Variants in ERP44 observed in about 807,000 individuals in gnomAD.
The protein encoded by ERP44 is endoplasmic reticulum protein 44.
Under a neutral mutation model 53.4 loss-of-function variants are expected in ERP44, and 25 were observed. The ratio of observed to expected loss-of-function variants is 0.47; its 90% CI spans 0.34 to 0.65. ERP44 has a LOEUF of 0.65. Among genes scored for constraint, ERP44 ranks in the 30% least tolerant of loss-of-function variants. The pLI, the probability that ERP44 is intolerant of heterozygous loss-of-function variation, is 0.01. For synonymous variants in ERP44, 145 were observed against 161.2 expected (o/e 0.90, Z 0.76); for missense variants, 338 against 493.2 (o/e 0.69, Z 2.98).
chr9:100,082,587 C>T (rs1184790603), intron 1 of ERP44, among the ~76,000 whole-genome samples: 1 of 151,946 alleles, frequency 6.6e-6, no homozygotes, highest in Non-Finnish European at 1.5e-5. Context: ...CCAGGACACT[C>T]CACCAAAATC....
intron 4 of ERP44, among the ~76,000 whole-genome samples, chr9:100,042,262 A>G (rs950661107): frequency 2.6e-5 from 4 of 152,222 alleles, no homozygotes; most frequent in African/African-American, 9.6e-5. Context: ...TTGAATAGAC[A>G]TTTCTCAAAT....
chr9:100,017,013 T>G (rs1830531809), intron 7 of ERP44, among the ~76,000 whole-genome samples: 1 of 152,226 alleles, frequency 6.6e-6, no homozygotes, highest in Admixed American at 6.5e-5. Context: ...TAGAAATTTC[T>G]TCTTTTAGAA....
chr9:100,031,343 T>A (rs955051339), intron 4 of ERP44, among the ~76,000 whole-genome samples: 3 of 152,216 alleles, frequency 2.0e-5, no homozygotes, highest in Admixed American at 2.0e-4. Context: ...AAAATTATCT[T>A]AAGCCATTAA....
At position 100,006,623 on chromosome 9, in the gene ERP44, T is replaced by C; in HGVS notation, c.899A>G (p.Asp300Gly). 1 of 1,601,606 alleles carries C rather than the reference T, an allele frequency of 6.2e-7. No individual in the cohort carries two copies. The highest frequency in any genetic ancestry group is 8.5e-7 in the Non-Finnish European group (1 of 1,176,084). Residue 300 changes from aspartate (D) to glycine (G), a missense_variant, in exon 10 of 12, where the codon GAT becomes GGT. Transcript: ENST00000262455. ...EKGTINFLHADCDKFRHPLLH... is the reference protein window; with the variant it reads ...EKGTINFLHAGCDKFRHPLLH... ...AAGAGGATGTCTAAATTTGTCACAA[T>C]CGGCATGTAAAAAGTTTATTGTACC...
intron 4 of ERP44, among the ~76,000 whole-genome samples, chr9:100,044,975 ATTACT>A (rs1825951515): frequency 2.6e-5 from 4 of 152,180 alleles, no homozygotes; most frequent in Admixed American, 2.0e-4. Context: ...TTCAATTTAA[ATTACT>A]TTATTTTGAC....
At chr9:99,985,826 C>CTT (rs543260224) in intron 10 of ERP44, among the ~76,000 whole-genome samples, 2 of 152,174 alleles carry the variant, frequency 1.3e-5, no homozygotes, top group Non-Finnish European at 2.9e-5. Context: ...ATTAAACTAG[C>CTT]TTTTATTTAC....
At chr9:100,043,709 C>T (rs530515360) in intron 4 of ERP44, among the ~76,000 whole-genome samples, 16 of 151,358 alleles carry the variant, frequency 1.1e-4, no homozygotes, top group African/African-American at 2.9e-4. Flanking sequence ...GAGCTGAGAA[C>T]GCGCCACTGT....
At position 99,981,720 on chromosome 9, in the gene ERP44, G is replaced by C. The variant is rs200765208; in HGVS notation, c.*892C>G. On this transcript the variant is annotated 3_prime_UTR_variant, in exon 12 of 12. Coordinates refer to ENST00000262455, the MANE Select transcript of ERP44 (RefSeq NM_015051.3). ...AATATGTTCCTTATTCTGTGTTTTT[G>C]ATTTATACAACTATAACAAGACTCT... The C allele has an allele frequency of 1.3e-5, 2 of 152,282 alleles. No individual in the cohort carries two copies. The highest frequency in any genetic ancestry group is 3.9e-4 in the East Asian group (2 of 5,180). 9.4% of individuals were successfully genotyped at this position (152,282 alleles called of 1,614,324 possible).
intron 1 of ERP44, among the ~76,000 whole-genome samples, chr9:100,066,341 A>G (rs1826209528): frequency 6.6e-6 from 1 of 152,090 alleles, no homozygotes; most frequent in Non-Finnish European, 1.5e-5. Flanking sequence ...TTTAAAGTAT[A>G]CTGTCTTCTG....
At chr9:100,077,742 G>C (rs139987556) in intron 1 of ERP44, among the ~76,000 whole-genome samples, 1 of 152,244 alleles carries the variant, frequency 6.6e-6, no homozygotes, top group East Asian at 1.9e-4. Context: ...GGGAGGTACA[G>C]TGTTGGCTGG....
intron 8 of ERP44, among the ~76,000 whole-genome samples, chr9:100,009,759 T>G (rs908831804): frequency 2.2e-4 from 33 of 152,174 alleles, no homozygotes; most frequent in African/African-American, 8.0e-4. Context: ...CATTTCAAAT[T>G]CTAAACAAGT....
In ERP44 at chr9:99,979,684, A is replaced by G; in HGVS notation, c.*2928T>C. On this transcript the variant is annotated 3_prime_UTR_variant, in exon 12 of 12. Coordinates refer to ENST00000262455, the MANE Select transcript of ERP44 (RefSeq NM_015051.3). ...GCCCCCTTTTGGTTCTGGGGACTCA[A>G]CCGTGTTCTTCAGTCTGGTCTTGCA... is the stretch of plus-strand genomic sequence containing the variant. 1 of 349,536 alleles carries G rather than the reference A, an allele frequency of 2.9e-6. No individual in the cohort carries two copies. Among genetic ancestry groups the G allele is most frequent in the Non-Finnish European group, 5.1e-6 (1 of 195,592 alleles). The allele number at this position is 349,536 out of a possible 1,614,324, so 21.7% of individuals were successfully genotyped here.
chr9:100,055,421 G>A (rs1327269676), intron 3 of ERP44, among the ~76,000 whole-genome samples: 3 of 152,296 alleles, frequency 2.0e-5, no homozygotes, highest in East Asian at 3.9e-4. Context: ...CACTCAGGCT[G>A]GAGTGCAACC....
At chr9:100,009,769 T>C (rs1830454326) in intron 8 of ERP44, among the ~76,000 whole-genome samples, 1 of 152,172 alleles carries the variant, frequency 6.6e-6, no homozygotes, top group South Asian at 2.1e-4. Context: ...TCTAAACAAG[T>C]ACCTTAAATA....
intron 1 of ERP44, among the ~76,000 whole-genome samples, chr9:100,068,879 A>T (rs1019549004): frequency 1.8e-4 from 27 of 152,174 alleles, no homozygotes; most frequent in Non-Finnish European, 2.9e-4. Context: ...GATTGAGAAA[A>T]CGGATGGTTG....
intron 4 of ERP44, among the ~76,000 whole-genome samples, chr9:100,035,246 CCTCTGAACT>C (rs1825838721): frequency 6.6e-6 from 1 of 152,076 alleles, no homozygotes; most frequent in Non-Finnish European, 1.5e-5. Flanking sequence ...AACTAAAGAG[CCTCTGAACT>C]GCAAGAAAAA....
At chr9:100,060,057 A>T (rs773973699) in intron 2 of ERP44, 43 bp downstream of exon 2, 2 of 1,358,156 alleles carry the variant, frequency 1.5e-6, no homozygotes, top group Non-Finnish European at 1.9e-6. Context: ...CTAACTCTCT[A>T]TAGAGAAGAA....
chr9:100,020,691 T>A lies in ERP44; in HGVS notation c.512A>T (p.Asp171Val), dbSNP rs2118653782. Reference sequence around the variant, plus strand: ...TTCAAAAACTCTATAGTTGTCCGAGTCCTTTTGCTCAAAATATCCAATGAT... The same window carrying A: ...TTCAAAAACTCTATAGTTGTCCGAGACCTTTTGCTCAAAATATCCAATGAT... ...RNIIGYFEQK[D>V]SDNYRVFERV... Residue 171 changes from aspartate (D) to valine (V), a missense_variant, in exon 6 of 12, where the codon GAC becomes GTC. Around this residue, in one of 3 missense-constraint regions of ERP44, gnomAD observed 224 missense variants for 301.4 expected, o/e 0.74. Transcript: ENST00000262455. The A allele has an allele frequency of 6.2e-7, 1 of 1,608,786 alleles. No homozygotes were observed. The highest frequency in any genetic ancestry group is 1.3e-5 in the African/African-American group (1 of 74,938).
At chr9:100,043,370 C>A (rs1825934333) in intron 4 of ERP44, among the ~76,000 whole-genome samples, 1 of 140,316 alleles carries the variant, frequency 7.1e-6, no homozygotes. Context: ...TTAAAAATAA[C>A]TTAAACCGTA....
Sources: gnomAD v4.1 joint callset for allele counts (sites outside exome capture counted in the v4.1 genomes callset) on GRCh38, gnomAD v4.1.1 for gene constraint, gnomAD v4.1.1 regional missense constraint, MANE v1.5 for transcripts, NCBI Gene and HGNC (gene_info 2026-07-23, HGNC 2026-07-21) for gene names.